Variants in MARCHF1 observed in about 807,000 individuals in gnomAD.
MARCHF1 encodes membrane associated ring-CH-type finger 1, also known as E3 ubiquitin-protein ligase MARCHF1.
In MARCHF1, 40 loss-of-function variants were observed where a neutral mutation model predicts 54.2. The observed-to-expected ratio is 0.74, with a 90% confidence interval of 0.57 to 0.96. The LOEUF (loss-of-function observed/expected upper bound fraction) is 0.96, where lower values mean the gene tolerates loss of function less well. MARCHF1 is among the 40% of genes least tolerant of loss of function. MARCHF1 has a pLI of 0.00. For synonymous variants in MARCHF1, 236 were observed against 236.3 expected (o/e 1.00, Z 0.01); for missense variants, 586 against 656.5 (o/e 0.89, Z 1.17).
At chr4:163,844,909 C>T (rs971028435) in intron 4 of MARCHF1, among the ~76,000 whole-genome samples, 6 of 152,036 alleles carry the variant, frequency 3.9e-5, no homozygotes, top group African/African-American at 4.8e-5. Context: ...GGTTAAGAAC[C>T]ATCATGCTAT....
rs145629059 is a variant in MARCHF1, at chr4:163,562,830, C to T, written c.1192-17087G>A. ...TCCCAGTTAATAATTAAACTGTTCACCCCATCACTCAGGTCAGAAAGCTGA... is the reference window on the plus strand; with the variant it reads ...TCCCAGTTAATAATTAAACTGTTCATCCCATCACTCAGGTCAGAAAGCTGA... On this transcript the variant is annotated intron_variant, in intron 8 of 9. Transcript: ENST00000514618. 5.9e-5 allele frequency among the ~76,000 whole-genome samples: 9 copies of T among 152,286 alleles called. No homozygotes were observed. In the East Asian group the frequency reaches 1.7e-3, roughly 29 times the overall value.
At chr4:164,108,706 A>G (rs1032975482) in intron 2 of MARCHF1, among the ~76,000 whole-genome samples, 1 of 152,058 alleles carries the variant, frequency 6.6e-6, no homozygotes, top group Non-Finnish European at 1.5e-5. Flanking sequence ...TTTTATCTCT[A>G]CAAAGTTTCT....
Position 163,545,637 on chromosome 4 carries a change from A to G in MARCHF1, c.1298T>C (p.Ile433Thr), listed in dbSNP as rs1186967112. 3.1e-6 allele frequency: 5 copies of G among 1,614,046 alleles called. No homozygotes were observed. The highest frequency in any genetic ancestry group is 2.2e-5 in the South Asian group (2 of 91,060). Residue 433 changes from isoleucine (I) to threonine (T), a missense_variant, in exon 9 of 10, where the codon ATA becomes ACA. Transcript: ENST00000514618. ...TCVVWSLYVL[I>T]DRTAEEIKQG... ...CTTGATTTCCTCCGCTGTCCGGTCT[A>G]TCAATACATACAAAGACCAAACCAC...
intron 1 of MARCHF1, among the ~76,000 whole-genome samples, chr4:164,247,790 A>T (rs1053212558): frequency 6.7e-6 from 1 of 149,498 alleles, no homozygotes; most frequent in Non-Finnish European, 1.5e-5. Flanking sequence ...CTGCATAGCC[A>T]GATAAATTTC....
intron 1 of MARCHF1, among the ~76,000 whole-genome samples, chr4:164,274,062 CA>C (rs1733809454): frequency 6.6e-6 from 1 of 151,656 alleles, no homozygotes; most frequent in Non-Finnish European, 1.5e-5. Context: ...ACACACTTTA[CA>C]GTACAGAAGA....
At chr4:163,620,985 C>T (rs1741675883) in intron 5 of MARCHF1, among the ~76,000 whole-genome samples, 2 of 152,206 alleles carry the variant, frequency 1.3e-5, no homozygotes, top group Non-Finnish European at 2.9e-5. Flanking sequence ...TTGTTCTCCA[C>T]TATTTAAGTG....
At chr4:163,928,193 A>C (rs866297757) in intron 3 of MARCHF1, among the ~76,000 whole-genome samples, 17 of 151,838 alleles carry the variant, frequency 1.1e-4, no homozygotes, top group Non-Finnish European at 1.6e-4. Flanking sequence ...TTCTTTTTTC[A>C]CTGATTTACT....
At position 164,098,543 on chromosome 4, in the gene MARCHF1, A is replaced by G. The variant is rs1246898738; in HGVS notation, c.-248+13045T>C. 1.1e-4 allele frequency among the ~76,000 whole-genome samples: 17 copies of G among 152,228 alleles called. 1 individual carries two copies. The highest frequency in any genetic ancestry group is 1.1e-3 in the Admixed American group (17 of 15,274). On this transcript the variant is annotated intron_variant, in intron 2 of 9. Coordinates refer to ENST00000514618, the MANE Select transcript of MARCHF1 (RefSeq NM_001394959.1). ...ATTTCATGCTGTGACATTCAGTCTT[A>G]CACTTCAATCTTATTCTGGGATTGG... is the stretch of plus-strand genomic sequence containing the variant.
intron 1 of MARCHF1, among the ~76,000 whole-genome samples, chr4:164,222,604 A>G (rs1383239984): frequency 2.6e-5 from 4 of 151,896 alleles, no homozygotes; most frequent in African/African-American, 9.7e-5. Flanking sequence ...AAGAGAAAGG[A>G]AGGCAGAGAG....
At chr4:164,083,942 A>G (rs1158667518) in intron 2 of MARCHF1, among the ~76,000 whole-genome samples, 1 of 152,004 alleles carries the variant, frequency 6.6e-6, no homozygotes, top group Non-Finnish European at 1.5e-5. Context: ...TAACCTAGAG[A>G]TATAATTTTT....
intron 1 of MARCHF1, among the ~76,000 whole-genome samples, chr4:164,295,761 G>T (rs967559899): frequency 2.0e-5 from 3 of 152,056 alleles, no homozygotes; most frequent in African/African-American, 7.2e-5. Flanking sequence ...GGAGAAAAGA[G>T]AAAAAGAATA....
chr4:164,232,002 T>C (rs144246914), intron 1 of MARCHF1, among the ~76,000 whole-genome samples: 188 of 152,250 alleles, frequency 1.2e-3, no homozygotes, highest in African/African-American at 4.3e-3. Context: ...TTTAATAGGG[T>C]GACTGACCAG....
intron 1 of MARCHF1, among the ~76,000 whole-genome samples, chr4:164,285,554 T>C (rs968890475): frequency 5.9e-5 from 9 of 152,144 alleles, no homozygotes; most frequent in Non-Finnish European, 1.3e-4. Flanking sequence ...GCCATTTTCC[T>C]GCCTCAGCCT....
intron 1 of MARCHF1, among the ~76,000 whole-genome samples, chr4:164,123,549 TGTACTGCAAAGCTATA>T (rs1017877042): frequency 1.8e-4 from 28 of 152,134 alleles, no homozygotes; most frequent in African/African-American, 6.8e-4. Flanking sequence ...GATTTGAAAT[TGTACTGCAAAGCTATA>T]GTAACCAAGC....
chr4:163,723,580 G>C (rs199626571), intron 4 of MARCHF1, among the ~76,000 whole-genome samples: 3 of 152,138 alleles, frequency 2.0e-5, no homozygotes, highest in African/African-American at 4.8e-5. Context: ...TGCCTTGCTA[G>C]GTTGGGGAAG....
At chr4:163,748,655 T>C (rs1005232200) in intron 4 of MARCHF1, among the ~76,000 whole-genome samples, 1 of 152,196 alleles carries the variant, frequency 6.6e-6, no homozygotes, top group Non-Finnish European at 1.5e-5. Context: ...ATCTGGCCCA[T>C]TGCCAGGTGA....
At chr4:164,335,198 T>C (rs1000330664) in intron 1 of MARCHF1, among the ~76,000 whole-genome samples, 5 of 152,178 alleles carry the variant, frequency 3.3e-5, no homozygotes, top group Non-Finnish European at 1.5e-5. Flanking sequence ...AAGTTTTAAT[T>C]TGGTTAAAAG....
intron 7 of MARCHF1, among the ~76,000 whole-genome samples, chr4:163,596,739 G>C (rs1740784879): frequency 6.6e-6 from 1 of 152,058 alleles, no homozygotes; most frequent in South Asian, 2.1e-4. Flanking sequence ...TTGGGTTTGA[G>C]ATAGTTCAAT....
At chr4:164,195,537 G>A (rs1294323460) in intron 1 of MARCHF1, among the ~76,000 whole-genome samples, 2 of 152,078 alleles carry the variant, frequency 1.3e-5, no homozygotes, top group Non-Finnish European at 2.9e-5. Flanking sequence ...CTCACGTTGT[G>A]CATTAGAAGG....
Sources: allele counts gnomAD v4.1 joint callset (sites outside exome capture counted in the v4.1 genomes callset), GRCh38; gene constraint gnomAD v4.1.1; transcripts MANE v1.5; gene names NCBI Gene and HGNC (gene_info 2026-07-23, HGNC 2026-07-21).